Variants in ZDHHC21 observed in about 807,000 individuals in gnomAD.
ZDHHC21 encodes zDHHC palmitoyltransferase 21, also known as palmitoyltransferase ZDHHC21.
ZDHHC21 carries 15 observed loss-of-function variants against 34.6 expected under a neutral mutation model. That is an observed-to-expected ratio of 0.43 (90% confidence interval 0.29 to 0.67). The LOEUF is 0.67. Among genes scored for constraint, ZDHHC21 ranks in the 30% least tolerant of loss-of-function variants. The pLI, the probability that ZDHHC21 is intolerant of heterozygous loss-of-function variation, is 0.14. For synonymous variants in ZDHHC21, 142 were observed against 101.8 expected (o/e 1.40, Z -2.38); for missense variants, 344 against 327.7 (o/e 1.05, Z -0.38).
At chr9:14,690,289 C>T (rs1838978085) in intron 2 of ZDHHC21, 48 bp downstream of exon 2, 1 of 443,656 alleles carries the variant, frequency 2.3e-6, no homozygotes, top group South Asian at 1.6e-5. Flanking sequence ...TTTACCAAAG[C>T]AGCCATGATT....
Position 14,680,376 on chromosome 9 carries a change from C to T in ZDHHC21, c.-175-214G>A, listed in dbSNP as rs150947516. Reference sequence around the variant, plus strand: ...TATATCTGAGAGTCTTTTAAAACCACCCACTTCCCATAAAATCAAATAAGC... The same window carrying T: ...TATATCTGAGAGTCTTTTAAAACCATCCACTTCCCATAAAATCAAATAAGC... On this transcript the variant is annotated intron_variant, in intron 2 of 9. Transcript: ENST00000380916. Among the ~76,000 whole-genome samples, 18 of 152,192 alleles carry T rather than the reference C, an allele frequency of 1.2e-4. No homozygotes were observed. The East Asian group carries it at 3.1e-3, about 26-fold the overall frequency.
At chr9:14,670,848 C>G (rs1835311921) in intron 5 of ZDHHC21, among the ~76,000 whole-genome samples, 1 of 151,882 alleles carries the variant, frequency 6.6e-6, no homozygotes, top group South Asian at 2.1e-4. Flanking sequence ...CCTTGTGTAG[C>G]AAGAAAAAAA....
chr9:14,692,806 C>G (rs942657708), intron 1 of ZDHHC21, among the ~76,000 whole-genome samples: 5 of 142,454 alleles, frequency 3.5e-5, no homozygotes, highest in African/African-American at 1.2e-4. Flanking sequence ...TGGAATAGCA[C>G]AGAGAAACCC....
At chr9:14,662,640 C>T (rs1291736331) in intron 5 of ZDHHC21, among the ~76,000 whole-genome samples, 1 of 152,130 alleles carries the variant, frequency 6.6e-6, no homozygotes, top group Non-Finnish European at 1.5e-5. Flanking sequence ...AATGACAAAA[C>T]CCTAGAGCCC....
At chr9:14,684,862 C>T (rs1167565370) in intron 2 of ZDHHC21, among the ~76,000 whole-genome samples, 6 of 152,114 alleles carry the variant, frequency 3.9e-5, no homozygotes, top group Admixed American at 2.0e-4. Context: ...GAGATACAGA[C>T]CAATGGAACA....
intron 3 of ZDHHC21, among the ~76,000 whole-genome samples, chr9:14,676,736 T>C (rs551026953): frequency 6.6e-5 from 10 of 152,090 alleles, no homozygotes; most frequent in African/African-American, 2.2e-4. Flanking sequence ...TTGCTAAGAA[T>C]CATTTTAATA....
Position 14,618,697 on chromosome 9 carries a change from C to G in ZDHHC21, c.*269G>C. The G allele has an allele frequency of 3.4e-6, 1 of 294,766 alleles. No individual in the cohort carries two copies. The allele number at this position is 294,766 out of a possible 1,614,324, so 18.3% of individuals were successfully genotyped here. Reference sequence around the variant, plus strand: ...TACAATTATTTCATCCTAATCACTGCCTTTTGAGTTTAATAACAAAAGCAT... The same window carrying G: ...TACAATTATTTCATCCTAATCACTGGCTTTTGAGTTTAATAACAAAAGCAT... On this transcript the variant is annotated 3_prime_UTR_variant, in exon 10 of 10. Coordinates refer to ENST00000380916, the MANE Select transcript of ZDHHC21 (RefSeq NM_178566.6).
At chr9:14,690,717 A>T (rs1839035606) in intron 1 of ZDHHC21, among the ~76,000 whole-genome samples, 1 of 152,186 alleles carries the variant, frequency 6.6e-6, no homozygotes, top group Non-Finnish European at 1.5e-5. Flanking sequence ...TTGTTCAGGG[A>T]CCTATCAATG....
chr9:14,658,414 T>C (rs578126508), intron 7 of ZDHHC21, among the ~76,000 whole-genome samples: 3 of 150,872 alleles, frequency 2.0e-5, no homozygotes, highest in African/African-American at 4.9e-5. Flanking sequence ...GAACCACATG[T>C]TAATAATTGT....
intron 5 of ZDHHC21, among the ~76,000 whole-genome samples, chr9:14,663,275 A>G (rs1833724852): frequency 6.6e-6 from 1 of 152,128 alleles, no homozygotes; most frequent in African/African-American, 2.4e-5. Flanking sequence ...ATACTATCCC[A>G]TAACCTCATT....
At chr9:14,677,120 A>G (rs1419314572) in intron 3 of ZDHHC21, among the ~76,000 whole-genome samples, 2 of 152,016 alleles carry the variant, frequency 1.3e-5, no homozygotes, top group Non-Finnish European at 2.9e-5. Flanking sequence ...GAGATCTCTC[A>G]CAGCAACAAA....
chr9:14,692,607 G>C (rs1193451844), intron 1 of ZDHHC21, among the ~76,000 whole-genome samples: 1 of 142,950 alleles, frequency 7.0e-6, no homozygotes, highest in Non-Finnish European at 1.6e-5. Flanking sequence ...TAACTTAAAT[G>C]GACTCTGCAG....
At chr9:14,622,331 T>C (rs1825447163) in intron 8 of ZDHHC21, among the ~76,000 whole-genome samples, 1 of 152,012 alleles carries the variant, frequency 6.6e-6, no homozygotes, top group African/African-American at 2.4e-5. Flanking sequence ...ACATAAGAAA[T>C]TATTTTTCAG....
chr9:14,619,140 G>A, intron 9 of ZDHHC21, 42 bp from the exon 10 acceptor site: 1 of 1,560,468 alleles, frequency 6.4e-7, no homozygotes, highest in Non-Finnish European at 8.7e-7. Flanking sequence ...GCACTCCCAT[G>A]GTGCACTTCA....
At chr9:14,599,569 T>G in the ZDHHC21 span, among the ~76,000 whole-genome samples, 1 of 151,212 alleles carries the variant, frequency 6.6e-6, no homozygotes, top group East Asian at 2.0e-4. Context: ...TTTTTTCCCA[T>G]ACCCCAGTGG....
chr9:14,641,853 T>A (rs1829435726), intron 7 of ZDHHC21, among the ~76,000 whole-genome samples: 1 of 152,232 alleles, frequency 6.6e-6, no homozygotes, highest in South Asian at 2.1e-4. Context: ...GTTTTTATTA[T>A]ATTCCTATCC....
the ZDHHC21 span, among the ~76,000 whole-genome samples, chr9:14,592,100 G>A: frequency 4.0e-5 from 6 of 151,722 alleles, no homozygotes; most frequent in Non-Finnish European, 8.8e-5. Flanking sequence ...GTTTTTCTGT[G>A]TCTTATATAT....
At chr9:14,609,867 C>T (rs1478971493), downstream of ZDHHC21, among the ~76,000 whole-genome samples, 1 of 151,996 alleles carries the variant, frequency 6.6e-6, no homozygotes, top group Non-Finnish European at 1.5e-5. Context: ...GATCAGAATA[C>T]TCCTCCTTTT....
At chr9:14,692,536 C>T (rs139199994) in intron 1 of ZDHHC21, among the ~76,000 whole-genome samples, 1 of 152,080 alleles carries the variant, frequency 6.6e-6, no homozygotes, top group African/African-American at 2.4e-5. Flanking sequence ...GTGATACAGA[C>T]ATCCACCCTG....
Sources: gnomAD v4.1 joint callset for allele counts (sites outside exome capture counted in the v4.1 genomes callset) on GRCh38, gnomAD v4.1.1 for gene constraint, MANE v1.5 for transcripts, NCBI Gene and HGNC (gene_info 2026-07-23, HGNC 2026-07-21) for gene names.